The following AGK variants were observed in gnomAD, a reference collection of about 807,000 sequenced individuals.
The protein encoded by AGK is acylglycerol kinase, mitochondrial.
A neutral mutation model predicts 66.4 loss-of-function variants in AGK; 52 were observed. The observed-to-expected ratio is 0.78, with a 90% confidence interval of 0.63 to 0.99. The LOEUF (loss-of-function observed/expected upper bound fraction) is 0.99, where lower values mean the gene tolerates loss of function less well. AGK is among the 50% of genes least tolerant of loss of function. AGK has a pLI of 0.00. For missense variants in AGK, 451 were observed against 506.6 expected, an observed-to-expected ratio of 0.89 and a Z score of 1.05; for synonymous variants, 182 against 181.1, an observed-to-expected ratio of 1.00 and a Z score of -0.04.
At chr7:141,651,662 C>T in intron 15 of AGK, 53 bp downstream of exon 15, 1 of 1,518,680 alleles carries the variant, frequency 6.6e-7, no homozygotes, top group Non-Finnish European at 9.1e-7. Flanking sequence ...CGTCATCGGC[C>T]TGCCCCTCTG....
At chr7:141,608,954 G>A (rs781487522) in intron 5 of AGK, among the ~76,000 whole-genome samples, 8 of 152,164 alleles carry the variant, frequency 5.3e-5, no homozygotes, top group Admixed American at 6.5e-5. Flanking sequence ...TTATTTCTGG[G>A]TGTTCATGAA....
At chr7:141,632,307 A>G (rs980676450) in intron 9 of AGK, among the ~76,000 whole-genome samples, 16 of 151,356 alleles carry the variant, frequency 1.1e-4, no homozygotes, top group African/African-American at 3.9e-4. Context: ...CTGTTTTTTC[A>G]TCCCACTCTC....
At chr7:141,612,421 A>AACACAAATTTTTTGTGTGTATTTGTTAT (rs1300587758) in intron 6 of AGK, among the ~76,000 whole-genome samples, 4 of 152,332 alleles carry the variant, frequency 2.6e-5, no homozygotes, top group African/African-American at 9.6e-5. Context: ...AAATTTGTTT[A>AACACAAATTTTTTGTGTGTATTTGTTAT]ACACAAATTT....
At chr7:141,595,228 T>C (rs1018255144) in intron 3 of AGK, among the ~76,000 whole-genome samples, 7 of 152,190 alleles carry the variant, frequency 4.6e-5, no homozygotes, top group African/African-American at 1.7e-4. Context: ...CAAGGAGGAA[T>C]AATCTTACTA....
At chr7:141,568,938 G>A (rs1178512061) in intron 2 of AGK, among the ~76,000 whole-genome samples, 1 of 152,152 alleles carries the variant, frequency 6.6e-6, no homozygotes. Context: ...CTTTCCTGGA[G>A]ATTTTAAAAT....
chr7:141,607,670 T>C lies in AGK; in HGVS notation c.298-3525T>C, dbSNP rs1443740979. Among the ~76,000 whole-genome samples the C allele has an allele frequency of 6.6e-5, 10 of 152,262 alleles. No individual in the cohort carries two copies. In the East Asian group the frequency reaches 1.9e-3, roughly 29 times the overall value. On this transcript the variant is annotated intron_variant, in intron 5 of 15. Coordinates refer to ENST00000649286, the MANE Select transcript of AGK (RefSeq NM_018238.4). ...TTTAATTTATCAATTTTTTTTTCTT[T>C]CATGGATATTGCTTTTGGTGATGTA...
chr7:141,631,513 A>G (rs1310968451), intron 9 of AGK, among the ~76,000 whole-genome samples: 2 of 152,184 alleles, frequency 1.3e-5, no homozygotes, highest in Non-Finnish European at 2.9e-5. Flanking sequence ...AAAATTCTGG[A>G]GTCATCTTTG....
chr7:141,652,923 G>A lies in AGK; in HGVS notation c.1268G>A (p.Ter423=), dbSNP rs1461844226. ...REQMLTSPTQ[*] is the part of the protein sequence containing the mutation. ...CAGATGCTCACAAGCCCCACCCAGT[G>A]AGCAGCAGAAGACAAGCACTCTGAG... The change falls in exon 16 of 16, where the codon TGA becomes TAA. Residue 423 remains the stop codon, a stop_retained_variant. Coordinates refer to ENST00000649286, the MANE Select transcript of AGK (RefSeq NM_018238.4). The A allele has an allele frequency of 2.5e-6, 4 of 1,613,880 alleles. No homozygotes were observed. Among genetic ancestry groups the A allele is most frequent in the Non-Finnish European group, 3.4e-6 (4 of 1,179,976 alleles).
chr7:141,652,838 G>T lies in AGK; in HGVS notation c.1183G>T (p.Val395Leu). Residue 395 changes from valine (V) to leucine (L), a missense_variant, in exon 16 of 16, where the codon GTG becomes TTG. By Grantham distance (32) the Val-to-Leu change is conservative. Transcript: ENST00000649286. ...CAGTGAGGAGTATGAAGCGATGCCT[G>T]TGGAGGTGAAACTGCTCCCCAGGAA... ...IDSEEYEAMP[V>L]EVKLLPRKLQ... The T allele has an allele frequency of 6.2e-7, 1 of 1,614,054 alleles. No homozygotes were observed. Among genetic ancestry groups the T allele is most frequent in the Non-Finnish European group, 8.5e-7 (1 of 1,180,008 alleles).
chr7:141,649,471 T>A lies in AGK; in HGVS notation c.1046+138T>A, dbSNP rs1797500510. ...GGGAATTTCGATGTTATTTCTTTCC[T>A]ATGGGCTGACATGTAGAGTGCCCCT... On this transcript the variant is annotated intron_variant, in intron 14 of 15. Transcript: ENST00000649286. 4 of 675,490 alleles carry A rather than the reference T, an allele frequency of 5.9e-6. No homozygotes were observed. The Admixed American group carries it at 1.0e-4, about 17-fold the overall frequency. 41.8% of individuals were successfully genotyped at this position (675,490 alleles called of 1,614,324 possible). A position where few individuals can be genotyped will look rare whatever the true frequency, so the allele number is the denominator to read the frequency against.
chr7:141,555,386 A>G lies in AGK; in HGVS notation c.-14-67A>G, dbSNP rs1451932862. ...GGATAAAAGAATGGAAGACAGAGTAATAGGGACATTACATGAAGACCATGG... is the reference window on the plus strand; with the variant it reads ...GGATAAAAGAATGGAAGACAGAGTAGTAGGGACATTACATGAAGACCATGG... On this transcript the variant is annotated intron_variant, in intron 1 of 15. Transcript: ENST00000649286. This position sits in a 1 kb window ranked among gnomAD's most constrained non-coding sequence, Gnocchi z 4.2. 22 of 1,073,334 alleles carry G rather than the reference A, an allele frequency of 2.0e-5. No homozygotes were observed. The highest frequency in any genetic ancestry group is 2.8e-4 in the Middle Eastern group (1 of 3,536). The allele number at this position is 1,073,334 out of a possible 1,614,324, so 66.5% of individuals were successfully genotyped here. A position where few individuals can be genotyped will look rare whatever the true frequency, so the allele number is the denominator to read the frequency against.
intron 5 of AGK, among the ~76,000 whole-genome samples, chr7:141,604,874 A>T (rs1796424373): frequency 6.6e-6 from 1 of 152,178 alleles, no homozygotes; most frequent in Non-Finnish European, 1.5e-5. Context: ...TAACAAAAGA[A>T]AAAACACTTT....
chr7:141,584,856 A>G (rs1426770131), intron 2 of AGK, among the ~76,000 whole-genome samples: 1 of 152,218 alleles, frequency 6.6e-6, no homozygotes, highest in African/African-American at 2.4e-5. Flanking sequence ...AGGGGCATTG[A>G]AATGAAGACA....
intron 5 of AGK, among the ~76,000 whole-genome samples, chr7:141,604,356 ATGAATGTGTGTGTGTGTG>A (rs1333464435): frequency 7.7e-6 from 1 of 129,168 alleles, no homozygotes; most frequent in Non-Finnish European, 1.6e-5. Flanking sequence ...GTGCATATGT[ATGAATGTGTGTGTGTGTG>A]TATATATATA....
At chr7:141,578,710 A>T (rs1442321546) in intron 2 of AGK, among the ~76,000 whole-genome samples, 3 of 151,808 alleles carry the variant, frequency 2.0e-5, no homozygotes, top group African/African-American at 7.3e-5. Flanking sequence ...TGTCGTATAG[A>T]ATGATTGGTG....
At chr7:141,573,752 A>G (rs1795666598) in intron 2 of AGK, among the ~76,000 whole-genome samples, 1 of 152,186 alleles carries the variant, frequency 6.6e-6, no homozygotes, top group African/African-American at 2.4e-5. Flanking sequence ...ACGTGGGGAC[A>G]TAGGGACTCT....
At position 141,604,403 on chromosome 7, in the gene AGK, T is replaced by TATATATATATACAC. The variant is rs1301537652; in HGVS notation, c.297+3124_297+3125insTATATATATACACA. ...ATATATATATATATATATATATATA[T>TATATATATATACAC]ACACATACATACACACACACACATA... On this transcript the variant is annotated intron_variant, in intron 5 of 15. Transcript: ENST00000649286. 6.0e-4 allele frequency among the ~76,000 whole-genome samples: 85 copies of TATATATATATACAC among 141,490 alleles called. 1 individual carries two copies. The highest frequency in any genetic ancestry group is 2.1e-3 in the African/African-American group (82 of 38,264). 92.8% of individuals were successfully genotyped at this position (141,490 alleles called of 152,430 possible). A position where few individuals can be genotyped will look rare whatever the true frequency, so the allele number is the denominator to read the frequency against.
In AGK at chr7:141,592,746, C is replaced by T. The variant is rs138461216; in HGVS notation, c.102-400C>T. 6.2e-3 allele frequency among the ~76,000 whole-genome samples: 939 copies of T among 151,918 alleles called. 9 individuals carry two copies. Among genetic ancestry groups the T allele is most frequent in the African/African-American group, 0.019 (786 of 41,400 alleles). Reference sequence around the variant, plus strand: ...TTCAGCAGAGTCTCGCTCTGTCGCCCGGGCTGGAGTGCAATGGCATGATCT... The same window carrying T: ...TTCAGCAGAGTCTCGCTCTGTCGCCTGGGCTGGAGTGCAATGGCATGATCT... On this transcript the variant is annotated intron_variant, in intron 2 of 15. Coordinates refer to ENST00000649286, the MANE Select transcript of AGK (RefSeq NM_018238.4).
intron 2 of AGK, among the ~76,000 whole-genome samples, chr7:141,577,007 T>C (rs916322885): frequency 6.6e-6 from 1 of 151,970 alleles, no homozygotes; most frequent in Non-Finnish European, 1.5e-5. Context: ...GCCACTGCAC[T>C]CCAGCCTGGG....
Sources: allele counts gnomAD v4.1 joint callset (sites outside exome capture counted in the v4.1 genomes callset), GRCh38; gene constraint gnomAD v4.1.1; non-coding constraint Gnocchi (gnomAD v3.1); transcripts MANE v1.5; gene names NCBI Gene and HGNC (gene_info 2026-07-23, HGNC 2026-07-21).